Variants in MRC1 observed in about 807,000 individuals in gnomAD.
MRC1 encodes mannose receptor C-type 1.
In MRC1, 62 loss-of-function variants were observed where a neutral mutation model predicts 102.9. The observed-to-expected ratio is 0.60, with a 90% CI of 0.49 to 0.74. The LOEUF is 0.74. Among genes scored for constraint, MRC1 ranks in the 30% least tolerant of loss-of-function variants. The pLI is 0.00. For missense variants in MRC1, 1,237 were observed against 862.8 expected (o/e 1.43, Z -5.43); for synonymous variants, 457 against 298.4 (o/e 1.53, Z -5.48).
intron 9 of MRC1, among the ~76,000 whole-genome samples, chr10:17,858,890 G>T (rs899394294): frequency 6.6e-6 from 1 of 152,158 alleles, no homozygotes; most frequent in Non-Finnish European, 1.5e-5. Context: ...AGTTTTATTC[G>T]CTGCTTCTGA....
intron 22 of MRC1, among the ~76,000 whole-genome samples, chr10:17,891,613 G>T (rs1310142432): frequency 1.3e-5 from 2 of 152,180 alleles, no homozygotes; most frequent in African/African-American, 4.8e-5. Context: ...GTGCCAAAAA[G>T]GTTGGGAACT....
chr10:17,816,624 G>A (rs1403065174), intron 1 of MRC1, among the ~76,000 whole-genome samples: 1 of 152,194 alleles, frequency 6.6e-6, no homozygotes, highest in Non-Finnish European at 1.5e-5. Context: ...AGGGCAAAAG[G>A]CGTGGTGCTG....
At chr10:17,904,488 G>T (rs1290224790) in intron 26 of MRC1, among the ~76,000 whole-genome samples, 1 of 152,142 alleles carries the variant, frequency 6.6e-6, no homozygotes, top group Non-Finnish European at 1.5e-5. Context: ...TTAGTGTTAA[G>T]ATCCCTGTAC....
chr10:17,841,715 C>T (rs1362247261), intron 5 of MRC1, among the ~76,000 whole-genome samples: 12 of 151,498 alleles, frequency 7.9e-5, no homozygotes, highest in African/African-American at 2.7e-4. Context: ...ATTCAATCCC[C>T]ACCCCTCAAT....
intron 21 of MRC1, among the ~76,000 whole-genome samples, chr10:17,881,599 T>C (rs1833518109): frequency 6.6e-6 from 1 of 151,906 alleles, no homozygotes; most frequent in South Asian, 2.1e-4. Flanking sequence ...ATTGCTCTTC[T>C]AGTCACTTGA....
intron 1 of MRC1, among the ~76,000 whole-genome samples, chr10:17,812,516 A>AT (rs1838239156): frequency 6.6e-6 from 1 of 150,658 alleles, no homozygotes; most frequent in Non-Finnish European, 1.5e-5. Context: ...ATTTCAAGCT[A>AT]CTGACTTGAT....
At position 17,911,148 on chromosome 10, in the gene MRC1, G is replaced by A. The variant is rs1833963432; in HGVS notation, c.*683G>A. On this transcript the variant is annotated 3_prime_UTR_variant, in exon 30 of 30. Coordinates refer to ENST00000569591, the MANE Select transcript of MRC1 (RefSeq NM_002438.4). ...AATGTGAAATAAACATTAAAGACAAGGTCTATTTTTAATAGATTTGCATTT... is the reference window on the plus strand; with the variant it reads ...AATGTGAAATAAACATTAAAGACAAAGTCTATTTTTAATAGATTTGCATTT... 6.5e-6 allele frequency: 1 copy of A among 152,692 alleles called. No homozygotes were observed. The highest frequency in any genetic ancestry group is 2.4e-5 in the African/African-American group (1 of 41,362). 9.5% of individuals were successfully genotyped at this position (152,692 alleles called of 1,614,324 possible). A position where few individuals can be genotyped will look rare whatever the true frequency, so the allele number is the denominator to read the frequency against.
intron 3 of MRC1, among the ~76,000 whole-genome samples, chr10:17,833,242 C>T (rs1348356920): frequency 2.0e-5 from 3 of 151,994 alleles, no homozygotes; most frequent in East Asian, 1.9e-4. Context: ...TAAAACAGTC[C>T]GGGCATAGTA....
intron 23 of MRC1, among the ~76,000 whole-genome samples, chr10:17,897,019 A>G (rs1364096039): frequency 6.6e-6 from 1 of 152,242 alleles, no homozygotes; most frequent in Non-Finnish European, 1.5e-5. Context: ...ACAGATGATC[A>G]TAGGCAATAC....
chr10:17,909,631 C>G (rs1485379149), intron 29 of MRC1, among the ~76,000 whole-genome samples: 1 of 149,902 alleles, frequency 6.7e-6, no homozygotes, highest in East Asian at 2.0e-4. Flanking sequence ...TCTTAAGAAT[C>G]TCTGTGGGTT....
At chr10:17,844,033 C>T (rs1838788894) in intron 5 of MRC1, among the ~76,000 whole-genome samples, 1 of 152,166 alleles carries the variant, frequency 6.6e-6, no homozygotes, top group African/African-American at 2.4e-5. Flanking sequence ...TCAATGCCTA[C>T]ATTCATCCCT....
At chr10:17,903,960 G>A (rs4747331) in intron 26 of MRC1, among the ~76,000 whole-genome samples, 104,744 of 150,784 alleles carry the variant, frequency 0.69, 36,929 homozygotes, top group African/African-American at 0.81. Context: ...CATTTCAAAA[G>A]AAAAAAATCT....
chr10:17,838,362 T>C (rs1589171137), intron 4 of MRC1, among the ~76,000 whole-genome samples: 1 of 152,246 alleles, frequency 6.6e-6, no homozygotes, highest in East Asian at 1.9e-4. Context: ...CGTCTTCCCT[T>C]CTGTTTCTAC....
intron 12 of MRC1, among the ~76,000 whole-genome samples, chr10:17,867,380 CT>C (rs1833290359): frequency 2.2e-5 from 3 of 136,962 alleles, no homozygotes; most frequent in East Asian, 2.0e-4. Flanking sequence ...TCTTCTTCTT[CT>C]TCTTCTCCTT....
intron 28 of MRC1, among the ~76,000 whole-genome samples, chr10:17,909,090 CAGAG>C (rs1225234148): frequency 1.3e-5 from 2 of 152,058 alleles, no homozygotes; most frequent in African/African-American, 4.8e-5. Context: ...ATGGCTCAGA[CAGAG>C]AGACAGATAG....
At chr10:17,837,104 T>A (rs927780795) in intron 4 of MRC1, among the ~76,000 whole-genome samples, 7 of 152,160 alleles carry the variant, frequency 4.6e-5, no homozygotes, top group South Asian at 2.1e-4. Flanking sequence ...GCTATCGGAC[T>A]CGAGCTGCAG....
chr10:17,817,722 G>A (rs1050758307), intron 1 of MRC1, among the ~76,000 whole-genome samples: 47 of 152,048 alleles, frequency 3.1e-4, no homozygotes, highest in Non-Finnish European at 5.3e-4. Flanking sequence ...AAAACAGATC[G>A]ACTGTGTCGA....
intron 6 of MRC1, among the ~76,000 whole-genome samples, chr10:17,849,191 A>AAGC (rs1838873953): frequency 6.6e-6 from 1 of 151,542 alleles, no homozygotes; most frequent in African/African-American, 2.4e-5. Flanking sequence ...AGTAGCAGCT[A>AAGC]CTTAGGAGGC....
intron 25 of MRC1, 132 bp from the exon 26 acceptor site, chr10:17,901,841 T>A: frequency 1.3e-6 from 1 of 748,282 alleles, no homozygotes; most frequent in Non-Finnish European, 2.5e-6. Context: ...AATATGGTGA[T>A]CCAAATGATA....
Sources: gnomAD v4.1 joint callset for allele counts (sites outside exome capture counted in the v4.1 genomes callset) on GRCh38, gnomAD v4.1.1 for gene constraint, MANE v1.5 for transcripts, NCBI Gene and HGNC (gene_info 2026-07-23, HGNC 2026-07-21) for gene names.